Variants in KIAA0825 observed in about 807,000 individuals in gnomAD.
KIAA0825 encodes the protein KIAA0825, also known as uncharacterized protein KIAA0825.
In KIAA0825, 119 loss-of-function variants were observed where a neutral mutation model predicts 147.6. The observed-to-expected ratio is 0.81, with a 90% CI of 0.69 to 0.94. The LOEUF (loss-of-function observed/expected upper bound fraction) is 0.94. Among genes scored for constraint, KIAA0825 ranks in the 40% least tolerant of loss-of-function variants. KIAA0825 has a pLI of 0.00. For missense variants in KIAA0825, 1,381 were observed against 1,472.7 expected (o/e 0.94, Z 1.02); for synonymous variants, 470 against 518.1 (o/e 0.91, Z 1.26).
At chr5:94,509,673 G>A (rs1260139655) in intron 5 of KIAA0825, among the ~76,000 whole-genome samples, 9 of 152,184 alleles carry the variant, frequency 5.9e-5, no homozygotes, top group African/African-American at 2.2e-4. Flanking sequence ...AACCAAATCT[G>A]TGCAGTAATA....
intron 6 of KIAA0825, among the ~76,000 whole-genome samples, chr5:94,477,751 A>G (rs1272739539): frequency 6.6e-6 from 1 of 152,126 alleles, no homozygotes; most frequent in African/African-American, 2.4e-5. Flanking sequence ...GACAGGCATA[A>G]AATAATCCCT....
At chr5:94,241,694 C>G (rs1444364240) in intron 20 of KIAA0825, among the ~76,000 whole-genome samples, 1 of 152,122 alleles carries the variant, frequency 6.6e-6, no homozygotes, top group Admixed American at 6.5e-5. Context: ...AGAGGTCGTA[C>G]TAAAACTTGA....
intron 12 of KIAA0825, among the ~76,000 whole-genome samples, chr5:94,455,523 C>A (rs963828313): frequency 6.6e-6 from 1 of 151,822 alleles, no homozygotes; most frequent in African/African-American, 2.4e-5. Context: ...ATAATAGTAA[C>A]GGAGGAACAT....
At chr5:94,485,630 AAGAGAG>A (rs146032759) in intron 5 of KIAA0825, among the ~76,000 whole-genome samples, 2 of 151,028 alleles carry the variant, frequency 1.3e-5, no homozygotes, top group South Asian at 2.1e-4. Flanking sequence ...TTTGCAAAGA[AAGAGAG>A]AGAGAGAGAA....
intron 1 of KIAA0825, among the ~76,000 whole-genome samples, chr5:94,617,617 G>C (rs1325320469): frequency 6.6e-6 from 1 of 152,290 alleles, no homozygotes; most frequent in East Asian, 1.9e-4. Context: ...ACGGGGGTTG[G>C]TGGGGAGGTA....
At chr5:94,608,468 A>G (rs372102168) in intron 1 of KIAA0825, among the ~76,000 whole-genome samples, 7,261 of 17,020 alleles carry the variant, frequency 0.43, 1,906 homozygotes, top group South Asian at 0.54. Context: ...TATATATTAT[A>G]TATATAATAT....
At chr5:94,289,364 T>C (rs986060010) in intron 20 of KIAA0825, among the ~76,000 whole-genome samples, 1 of 151,854 alleles carries the variant, frequency 6.6e-6, no homozygotes, top group African/African-American at 2.4e-5. Context: ...GGCAAAACCC[T>C]GTCTCTATAA....
chr5:94,436,635 AGTT>A (rs1027582600), intron 14 of KIAA0825, among the ~76,000 whole-genome samples: 1 of 152,120 alleles, frequency 6.6e-6, no homozygotes, highest in Non-Finnish European at 1.5e-5. Flanking sequence ...GAATTAAAAT[AGTT>A]TTTTTCTAGT....
chr5:94,616,278 C>G (rs537485532), intron 1 of KIAA0825, among the ~76,000 whole-genome samples: 23 of 152,220 alleles, frequency 1.5e-4, no homozygotes, highest in African/African-American at 5.5e-4. Context: ...ACTTCTATGT[C>G]ATTTCTAGTA....
chr5:94,524,119 AG>A, intron 3 of KIAA0825, 21 bp from the exon 4 acceptor site: 1 of 1,561,856 alleles, frequency 6.4e-7, no homozygotes, highest in Non-Finnish European at 8.7e-7. Flanking sequence ...CAGAAGAAAA[AG>A]TTATTTTGGC....
rs116770570 is a variant in KIAA0825 at position 94,195,528 on chromosome 5, T to C, written c.3711-41404A>G. Among the ~76,000 whole-genome samples, 98 of 151,978 alleles carry C rather than the reference T, an allele frequency of 6.4e-4. 1 individual carries two copies. The highest frequency in any genetic ancestry group is 2.3e-3 in the African/African-American group (95 of 41,522). On this transcript the variant is annotated intron_variant, in intron 20 of 20. Coordinates refer to ENST00000682413, the MANE Select transcript of KIAA0825 (RefSeq NM_001145678.3). Reference sequence around the variant, plus strand: ...CTGTTGGGATAAAAGGAAAAGCATATAGAAAAAAAGGAGATTCCTTTTAAA... The same window carrying C: ...CTGTTGGGATAAAAGGAAAAGCATACAGAAAAAAAGGAGATTCCTTTTAAA...
intron 2 of KIAA0825, among the ~76,000 whole-genome samples, chr5:94,579,644 G>T (rs866003212): frequency 1.3e-5 from 2 of 152,162 alleles, no homozygotes; most frequent in Non-Finnish European, 2.9e-5. Flanking sequence ...AAGCTGGCTT[G>T]GTCTATGATA....
chr5:94,445,466 G>A (rs980657318), intron 13 of KIAA0825, among the ~76,000 whole-genome samples: 1 of 152,066 alleles, frequency 6.6e-6, no homozygotes, highest in Non-Finnish European at 1.5e-5. Flanking sequence ...GTAGACTGTT[G>A]GACTACATGC....
intron 20 of KIAA0825, among the ~76,000 whole-genome samples, chr5:94,243,558 G>T (rs1481101774): frequency 6.6e-6 from 1 of 152,092 alleles, no homozygotes; most frequent in Admixed American, 6.6e-5. Context: ...ACACTAGAAG[G>T]GTTCCAAAAT....
At chr5:94,339,535 C>T (rs1782153622) in intron 20 of KIAA0825, among the ~76,000 whole-genome samples, 2 of 152,304 alleles carry the variant, frequency 1.3e-5, no homozygotes, top group South Asian at 2.1e-4. Flanking sequence ...AGCGTCAACG[C>T]ATTTTTATTC....
chr5:94,489,034 A>G (rs1763396244), intron 5 of KIAA0825, among the ~76,000 whole-genome samples: 1 of 151,964 alleles, frequency 6.6e-6, no homozygotes, highest in East Asian at 1.9e-4. Context: ...TGCCTTACAG[A>G]TTTTCCTTTC....
chr5:94,490,687 T>C (rs1029668795), intron 5 of KIAA0825, among the ~76,000 whole-genome samples: 1 of 151,936 alleles, frequency 6.6e-6, no homozygotes, highest in Non-Finnish European at 1.5e-5. Flanking sequence ...TATTTGTAAA[T>C]ATATATATAG....
At chr5:94,280,556 A>G (rs1777411332) in intron 20 of KIAA0825, among the ~76,000 whole-genome samples, 1 of 152,054 alleles carries the variant, frequency 6.6e-6, no homozygotes, top group African/African-American at 2.4e-5. Flanking sequence ...AACCACGTGA[A>G]TATAAACCTC....
chr5:94,456,568 C>T (rs1393942898), intron 12 of KIAA0825, among the ~76,000 whole-genome samples: 1 of 152,148 alleles, frequency 6.6e-6, no homozygotes, highest in African/African-American at 2.4e-5. Context: ...AGCCAGAGAG[C>T]CTGGGCTTAT....
Sources: allele counts gnomAD v4.1 joint callset (sites outside exome capture counted in the v4.1 genomes callset), GRCh38; gene constraint gnomAD v4.1.1; transcripts MANE v1.5; gene names NCBI Gene and HGNC (gene_info 2026-07-23, HGNC 2026-07-21).